GPCPD1: variants seen among roughly 807,000 people sequenced by gnomAD.
GPCPD1 encodes glycerophosphocholine phosphodiesterase 1, also known as glycerophosphocholine phosphodiesterase GPCPD1.
In GPCPD1, 29 loss-of-function variants were observed where a neutral mutation model predicts 89.2. That is an observed-to-expected ratio of 0.33 (90% CI 0.24 to 0.44). The LOEUF is 0.44. GPCPD1 is among the 20% of genes least tolerant of loss of function. The pLI is 1.00. For synonymous variants in GPCPD1, 258 were observed against 266.3 expected (o/e 0.97, Z 0.30); for missense variants, 594 against 808.9 (o/e 0.73, Z 3.22).
chr20:5,595,699 T>C (rs981375962), intron 3 of GPCPD1, among the ~76,000 whole-genome samples: 4 of 152,098 alleles, frequency 2.6e-5, no homozygotes, highest in Non-Finnish European at 4.4e-5. Flanking sequence ...ACATGTTCCC[T>C]ATTTTTCCCC....
At chr20:5,585,639 AAG>A (rs1555807869) in intron 5 of GPCPD1, 4 of 151,696 alleles carry the variant, frequency 2.6e-5, no homozygotes, top group Non-Finnish European at 5.9e-5. Flanking sequence ...AAAAAAAAAA[AAG>A]AAAACTTTCC....
intron 19 of GPCPD1, among the ~76,000 whole-genome samples, chr20:5,555,471 G>A (rs7261378): frequency 0.039 from 5,899 of 152,308 alleles, 155 homozygotes; most frequent in Non-Finnish European, 0.062. Context: ...CCTGGGAGGC[G>A]GAGGTTGCAG....
intron 15 of GPCPD1, among the ~76,000 whole-genome samples, 172 bp from the exon 16 acceptor site, chr20:5,561,702 G>A (rs1986091365): frequency 6.6e-6 from 1 of 152,194 alleles, no homozygotes; most frequent in African/African-American, 2.4e-5. Context: ...TGACAACCTG[G>A]TAGATGATTA....
intron 3 of GPCPD1, among the ~76,000 whole-genome samples, chr20:5,596,064 G>A (rs995217032): frequency 6.6e-6 from 1 of 152,150 alleles, no homozygotes; most frequent in African/African-American, 2.4e-5. Context: ...AGAAGGCAAA[G>A]CAGTGAGTCT....
intron 16 of GPCPD1, 135 bp from the exon 17 acceptor site, chr20:5,560,211 G>A: frequency 2.0e-6 from 1 of 506,162 alleles, no homozygotes; most frequent in Non-Finnish European, 3.5e-6. Context: ...TATAGATGAT[G>A]AAACCTGAAA....
chr20:5,586,512 G>A (rs1978934475), intron 4 of GPCPD1, among the ~76,000 whole-genome samples: 1 of 152,104 alleles, frequency 6.6e-6, no homozygotes, highest in Non-Finnish European at 1.5e-5. Flanking sequence ...ACACAGAACT[G>A]TCTCAAACCC....
At chr20:5,549,259 A>T in intron 19 of GPCPD1, 1 of 817,958 alleles carries the variant, frequency 1.2e-6, no homozygotes, top group South Asian at 1.3e-5. Context: ...TCTTTTGATG[A>T]CTCAGTGATG....
At chr20:5,564,980 A>T in intron 15 of GPCPD1, 37 bp downstream of exon 15, 1 of 970,582 alleles carries the variant, frequency 1.0e-6, no homozygotes, top group Non-Finnish European at 1.7e-6. Flanking sequence ...TGACAAAGTT[A>T]ATGATAGCCT....
chr20:5,593,286 G>A (rs1979461214), intron 4 of GPCPD1, 41 bp downstream of exon 4: 1 of 965,362 alleles, frequency 1.0e-6, no homozygotes, highest in Non-Finnish European at 1.7e-6. Flanking sequence ...GCTTTTGAAG[G>A]AAGTGCTAAA....
At chr20:5,570,886 C>A (rs1420294299) in intron 11 of GPCPD1, among the ~76,000 whole-genome samples, 1 of 151,936 alleles carries the variant, frequency 6.6e-6, no homozygotes, top group Non-Finnish European at 1.5e-5. Context: ...CAGATCCACA[C>A]AGAAGGAGCA....
intron 3 of GPCPD1, among the ~76,000 whole-genome samples, 191 bp from the exon 4 acceptor site, chr20:5,593,602 A>G (rs1220264025): frequency 6.6e-6 from 1 of 152,252 alleles, no homozygotes; most frequent in Admixed American, 6.5e-5. Context: ...AAAGAGCCTT[A>G]TCTTCAAAGA....
At chr20:5,590,984 T>C (rs1332242048) in intron 4 of GPCPD1, among the ~76,000 whole-genome samples, 1 of 152,080 alleles carries the variant, frequency 6.6e-6, no homozygotes, top group Non-Finnish European at 1.5e-5. Flanking sequence ...GAAACATCCC[T>C]AATTCTACCC....
chr20:5,600,677 C>A (rs1282011891), intron 2 of GPCPD1, among the ~76,000 whole-genome samples: 1 of 152,148 alleles, frequency 6.6e-6, no homozygotes, highest in East Asian at 1.9e-4. Flanking sequence ...ACTAAAAATA[C>A]AAAAATTAGC....
chr20:5,592,735 CTTTT>C (rs1029545973), intron 4 of GPCPD1, among the ~76,000 whole-genome samples: 1 of 152,054 alleles, frequency 6.6e-6, no homozygotes. Context: ...AAATGATTAA[CTTTT>C]TTTCTTTTCT....
chr20:5,579,230 A>T (rs1456865056), intron 7 of GPCPD1, among the ~76,000 whole-genome samples: 1 of 152,004 alleles, frequency 6.6e-6, no homozygotes, highest in African/African-American at 2.4e-5. Context: ...ATATTCAAAA[A>T]TTTTTTCCTG....
At position 5,575,981 on chromosome 20, in the gene GPCPD1, GA is replaced by G; in HGVS notation, c.706-4del. The G allele has an allele frequency of 6.5e-7, 1 of 1,541,128 alleles. No individual in the cohort carries two copies. Among genetic ancestry groups the G allele is most frequent in the Non-Finnish European group, 8.9e-7 (1 of 1,125,410 alleles). ...ACTACGTGCTCACTGAGATCTTCCT[GA>G]AAAAATGAGATTTAAAATAATCTTA... On this transcript the variant is annotated splice_region_variant and splice_polypyrimidine_tract_variant and intron_variant, in intron 8 of 19. Coordinates refer to ENST00000379019, the MANE Select transcript of GPCPD1 (RefSeq NM_019593.5).
At chr20:5,595,546 C>G (rs1979654463) in intron 3 of GPCPD1, among the ~76,000 whole-genome samples, 1 of 152,132 alleles carries the variant, frequency 6.6e-6, no homozygotes, top group Non-Finnish European at 1.5e-5. Flanking sequence ...GAGGCTGAGG[C>G]AGGCGAATCA....
chr20:5,579,675 G>A (rs1056220980), intron 7 of GPCPD1, among the ~76,000 whole-genome samples: 5 of 152,220 alleles, frequency 3.3e-5, no homozygotes, highest in South Asian at 2.1e-4. Context: ...GATTACAGGC[G>A]TGAGCCAACA....
chr20:5,600,056 TAATG>T (rs1376928313), intron 2 of GPCPD1, among the ~76,000 whole-genome samples: 2 of 152,232 alleles, frequency 1.3e-5, no homozygotes, highest in Non-Finnish European at 2.9e-5. Flanking sequence ...AAGAAAAAGA[TAATG>T]AACTGAGTCC....
Sources: gnomAD v4.1 joint callset for allele counts (sites outside exome capture counted in the v4.1 genomes callset) on GRCh38, gnomAD v4.1.1 for gene constraint, MANE v1.5 for transcripts, NCBI Gene and HGNC (gene_info 2026-07-23, HGNC 2026-07-21) for gene names.